The following EEFSEC variants were observed in gnomAD, a reference collection of about 807,000 sequenced individuals.
EEFSEC encodes eukaryotic elongation factor, selenocysteine-tRNA specific.
A neutral mutation model predicts 42.1 loss-of-function variants in EEFSEC; 43 were observed. The observed-to-expected ratio is 1.02, with a 90% CI of 0.80 to 1.32. EEFSEC has a LOEUF of 1.32. Among genes scored for constraint, EEFSEC ranks in the 40% most tolerant of loss-of-function variants. EEFSEC has a pLI of 0.00. For synonymous variants in EEFSEC, 354 were observed against 339.1 expected, an observed-to-expected ratio of 1.04 and a Z score of -0.48; for missense variants, 745 against 803.6, an observed-to-expected ratio of 0.93 and a Z score of 0.88.
intron 1 of EEFSEC, among the ~76,000 whole-genome samples, chr3:128,207,625 C>T (rs544093941): frequency 2.0e-4 from 30 of 150,628 alleles, no homozygotes; most frequent in African/African-American, 7.1e-4. Context: ...ATAAGGATAA[C>T]GTAAACTAGA....
chr3:128,373,468 A>G (rs867007667), intron 6 of EEFSEC, among the ~76,000 whole-genome samples: 1 of 152,212 alleles, frequency 6.6e-6, no homozygotes, highest in Non-Finnish European at 1.5e-5. Context: ...GTCTCCAGGG[A>G]ACCTCTGTGG....
chr3:128,159,221 C>T (rs2955115), intron 1 of EEFSEC, among the ~76,000 whole-genome samples: 22,791 of 152,210 alleles, frequency 0.15, 1,829 homozygotes, highest in Admixed American at 0.2. Context: ...TGTTAGTTAG[C>T]CTTATTTCTC....
intron 1 of EEFSEC, among the ~76,000 whole-genome samples, chr3:128,202,666 A>G (rs2065655280): frequency 6.6e-6 from 1 of 152,142 alleles, no homozygotes; most frequent in Non-Finnish European, 1.5e-5. Flanking sequence ...AACTTATTAC[A>G]CTGGCTACAA....
intron 4 of EEFSEC, among the ~76,000 whole-genome samples, chr3:128,334,110 C>A (rs1334629483): frequency 6.6e-6 from 1 of 152,186 alleles, no homozygotes; most frequent in African/African-American, 2.4e-5. Flanking sequence ...TAGCTGCTGG[C>A]ATGAGCTTCC....
chr3:128,281,907 G>A (rs554832511), intron 4 of EEFSEC, among the ~76,000 whole-genome samples: 1 of 152,326 alleles, frequency 6.6e-6, no homozygotes, highest in African/African-American at 2.4e-5. Context: ...AGTGGTGGTC[G>A]TGGGATCTGA....
chr3:128,250,382 T>C (rs972503326), intron 2 of EEFSEC, among the ~76,000 whole-genome samples: 44 of 148,662 alleles, frequency 3.0e-4, no homozygotes, highest in African/African-American at 1.1e-3. Context: ...TTTTGTAGCT[T>C]TAGCTCTTAA....
chr3:128,232,760 G>C (rs889844679), intron 1 of EEFSEC, among the ~76,000 whole-genome samples: 3 of 152,146 alleles, frequency 2.0e-5, no homozygotes, highest in Admixed American at 1.3e-4. Flanking sequence ...GATTACCCTA[G>C]ATAGACTATG....
chr3:128,302,990 TAC>T (rs1319844992), intron 4 of EEFSEC, among the ~76,000 whole-genome samples: 1 of 152,214 alleles, frequency 6.6e-6, no homozygotes, highest in Non-Finnish European at 1.5e-5. Flanking sequence ...TAAAAAAAAT[TAC>T]AGTTGATGCT....
chr3:128,165,847 A>C (rs1355462200), intron 1 of EEFSEC, among the ~76,000 whole-genome samples: 1 of 152,106 alleles, frequency 6.6e-6, no homozygotes, highest in African/African-American at 2.4e-5. Context: ...GGTTGCTTAG[A>C]GCTCCAGAGG....
chr3:128,163,744 A>G (rs1331429545), intron 1 of EEFSEC, among the ~76,000 whole-genome samples: 1 of 151,914 alleles, frequency 6.6e-6, no homozygotes, highest in Non-Finnish European at 1.5e-5. Context: ...AATCTACTTA[A>G]TGTCTCTGGA....
chr3:128,228,714 G>T (rs1473825780), intron 1 of EEFSEC, among the ~76,000 whole-genome samples: 1 of 151,958 alleles, frequency 6.6e-6, no homozygotes, highest in Non-Finnish European at 1.5e-5. Flanking sequence ...TGACAATTTG[G>T]CCTTGGGCAA....
intron 6 of EEFSEC, chr3:128,367,736 G>A: frequency 1.0e-6 from 1 of 985,428 alleles, no homozygotes; most frequent in Non-Finnish European, 1.2e-6. Flanking sequence ...AGTTGGTGCT[G>A]TGGCCCCACT....
chr3:128,173,636 T>A (rs539024861), intron 1 of EEFSEC, among the ~76,000 whole-genome samples: 1 of 152,270 alleles, frequency 6.6e-6, no homozygotes, highest in East Asian at 1.9e-4. Flanking sequence ...TACCAATAAT[T>A]TTTATTTCCC....
chr3:128,268,480 G>A (rs1161486649), intron 4 of EEFSEC, among the ~76,000 whole-genome samples: 2 of 152,114 alleles, frequency 1.3e-5, no homozygotes, highest in Admixed American at 6.5e-5. Flanking sequence ...GACTATAGTA[G>A]GTTAAATTAT....
In EEFSEC at chr3:128,153,620, A is replaced by G; in HGVS notation, c.113A>G (p.Lys38Arg). Residue 38 changes from lysine to arginine, a missense_variant, in exon 1 of 7, where the codon AAG (lysine) becomes AGG (arginine). Transcript: ENST00000254730. The part of the protein sequence containing the change: ...STTASTAAFD[K>R]QPQSRERGIT... ...ACAGCCTCCACCGCCGCCTTTGACAAGCAGCCGCAGAGCCGCGAGCGCGGC... is the reference window on the plus strand; with the variant it reads ...ACAGCCTCCACCGCCGCCTTTGACAGGCAGCCGCAGAGCCGCGAGCGCGGC... 1 of 1,596,770 alleles carries G rather than the reference A, an allele frequency of 6.3e-7. No individual in the cohort carries two copies. Among genetic ancestry groups the G allele is most frequent in the Non-Finnish European group, 8.5e-7 (1 of 1,177,340 alleles).
intron 1 of EEFSEC, among the ~76,000 whole-genome samples, chr3:128,244,926 G>A (rs2066111525): frequency 6.6e-6 from 1 of 152,154 alleles, no homozygotes; most frequent in Non-Finnish European, 1.5e-5. Flanking sequence ...TGGGTGTATA[G>A]TATTCTGTCA....
At chr3:128,414,137 G>A in the EEFSEC span, among the ~76,000 whole-genome samples, 1 of 152,230 alleles carries the variant, frequency 6.6e-6, no homozygotes, top group Non-Finnish European at 1.5e-5. Context: ...CCCTGTCCAT[G>A]CCCTGAGGCT....
chr3:128,356,083 T>C (rs901644909), intron 5 of EEFSEC, among the ~76,000 whole-genome samples: 2 of 152,374 alleles, frequency 1.3e-5, no homozygotes, highest in Admixed American at 1.3e-4. Flanking sequence ...GGGAGAATTC[T>C]GTTATTTTCC....
chr3:128,187,262 T>C (rs2065475193), intron 1 of EEFSEC, among the ~76,000 whole-genome samples: 1 of 152,212 alleles, frequency 6.6e-6, no homozygotes, highest in Non-Finnish European at 1.5e-5. Context: ...TGAGCCAAGA[T>C]GTACTAAACA....
Sources: allele counts gnomAD v4.1 joint callset (sites outside exome capture counted in the v4.1 genomes callset), GRCh38; gene constraint gnomAD v4.1.1; transcripts MANE v1.5; gene names NCBI Gene and HGNC (gene_info 2026-07-23, HGNC 2026-07-21).